The following SEMA5A variants were observed in gnomAD, a reference collection of about 807,000 sequenced individuals.
The protein encoded by SEMA5A is semaphorin 5A, also known as semaphorin-5A.
Under a neutral mutation model 135.5 loss-of-function variants are expected in SEMA5A, and 55 were observed. The observed-to-expected ratio is 0.41, with a 90% CI of 0.33 to 0.51. The LOEUF (loss-of-function observed/expected upper bound fraction) is 0.51. Ranked by LOEUF, SEMA5A falls within the 20% of genes least tolerant of loss-of-function variation. The probability of loss-of-function intolerance (pLI) is 0.37; values close to 1 mark genes in which losing one functional copy is unlikely to be tolerated. For missense variants in SEMA5A, 1,290 were observed against 1,419.9 expected, an observed-to-expected ratio of 0.91 and a Z score of 1.47; for synonymous variants, 580 against 546.5, an observed-to-expected ratio of 1.06 and a Z score of -0.85.
In SEMA5A at chr5:9,204,368, T is replaced by C. The variant is rs1185829691; in HGVS notation, c.647-2128A>G. 1.3e-5 allele frequency among the ~76,000 whole-genome samples: 2 copies of C among 152,164 alleles called. No individual in the cohort carries two copies. Among genetic ancestry groups the C allele is most frequent in the African/African-American group, 2.4e-5 (1 of 41,446 alleles). On this transcript the variant is annotated intron_variant, in intron 8 of 22. Coordinates refer to ENST00000382496, the MANE Select transcript of SEMA5A (RefSeq NM_003966.3). This position sits in a 1 kb window ranked among gnomAD's most constrained non-coding sequence, Gnocchi z 6.4. ...ACTATTACCCACTTCTGCTATTAAC[T>C]TGGGGACAAATGGCATGAAAACCAC...
chr5:9,496,905 G>C (rs3798050), intron 1 of SEMA5A, among the ~76,000 whole-genome samples: 1 of 152,210 alleles, frequency 6.6e-6, no homozygotes, highest in African/African-American at 2.4e-5. Flanking sequence ...GCTACCAGGA[G>C]TGACAAAGCT....
At chr5:9,346,245 G>C (rs1443980662) in intron 3 of SEMA5A, among the ~76,000 whole-genome samples, 1 of 147,056 alleles carries the variant, frequency 6.8e-6, no homozygotes, top group East Asian at 2.0e-4. Flanking sequence ...TCTGGCCAGA[G>C]ATGTCCGGAC....
intron 1 of SEMA5A, among the ~76,000 whole-genome samples, chr5:9,484,087 A>T (rs1759984567): frequency 6.6e-6 from 1 of 152,260 alleles, no homozygotes; most frequent in African/African-American, 2.4e-5. Flanking sequence ...TAACAAGGAA[A>T]GGATAAAATG....
chr5:9,124,757 C>G (rs1461602679), intron 13 of SEMA5A, among the ~76,000 whole-genome samples: 2 of 152,220 alleles, frequency 1.3e-5, no homozygotes, highest in Non-Finnish European at 2.9e-5. Flanking sequence ...TGCACGGCCT[C>G]CAAACCTCCT....
chr5:9,266,806 C>A, intron 5 of SEMA5A, among the ~76,000 whole-genome samples: 1 of 152,166 alleles, frequency 6.6e-6, no homozygotes, highest in East Asian at 1.9e-4. Context: ...GTTCAGACTG[C>A]TGAATAAATC....
rs147519596 is a variant in SEMA5A, at chr5:9,044,475, G to A, written c.3003C>T (p.His1001=). 3,536 of 1,613,982 alleles carry A rather than the reference G, an allele frequency of 2.2e-3. 24 individuals carry two copies. The highest frequency in any genetic ancestry group is 0.012 in the South Asian group (1,086 of 91,052). Residue 1001 remains histidine, a synonymous_variant, in exon 22 of 23, where the codon CAC becomes CAT. Coordinates refer to ENST00000382496, the MANE Select transcript of SEMA5A (RefSeq NM_003966.3). ...AGACGGGGTGGATGACAGTCGCATC[G>A]TGGGATTGCTGCTGGTACCGCTGGC... ...TYCQRYQQQS[H]DATVIHPVSP...
At chr5:9,190,217 C>G (rs952019870) in intron 11 of SEMA5A, 50 bp downstream of exon 11, 1 of 1,573,420 alleles carries the variant, frequency 6.4e-7, no homozygotes, top group Admixed American at 1.7e-5. Context: ...ATCTAAAACA[C>G]AAAATCAGAA....
intron 2 of SEMA5A, among the ~76,000 whole-genome samples, chr5:9,384,597 T>C (rs915151793): frequency 7.8e-5 from 10 of 128,578 alleles, no homozygotes; most frequent in African/African-American, 3.0e-4. Flanking sequence ...GATAGATAGA[T>C]AGATAGATAG....
chr5:9,237,178 A>G (rs1747955830), intron 6 of SEMA5A, among the ~76,000 whole-genome samples: 1 of 149,738 alleles, frequency 6.7e-6, no homozygotes, highest in African/African-American at 2.6e-5. Flanking sequence ...CACAAGCTGC[A>G]GAAGAATTTC....
chr5:9,300,097 G>C (rs10075986), intron 5 of SEMA5A, among the ~76,000 whole-genome samples: 21,209 of 152,072 alleles, frequency 0.14, 1,571 homozygotes, highest in South Asian at 0.19. Flanking sequence ...CACTATCATG[G>C]CTCACTGCAG....
At chr5:9,432,604 T>C (rs1419524705) in intron 2 of SEMA5A, among the ~76,000 whole-genome samples, 4 of 152,212 alleles carry the variant, frequency 2.6e-5, no homozygotes, top group Non-Finnish European at 2.9e-5. Flanking sequence ...CTTGGTCCGA[T>C]CTGTCCACGG....
At chr5:9,073,679 A>ACTCT in intron 16 of SEMA5A, among the ~76,000 whole-genome samples, 2 of 152,138 alleles carry the variant, frequency 1.3e-5, no homozygotes, top group Non-Finnish European at 2.9e-5. Context: ...TTACTCTCAT[A>ACTCT]CAATATGATT....
chr5:9,247,738 T>C (rs997383037), intron 5 of SEMA5A, among the ~76,000 whole-genome samples: 2 of 152,196 alleles, frequency 1.3e-5, no homozygotes, highest in Non-Finnish European at 2.9e-5. Context: ...TTATTCAGCA[T>C]TATTTCCATA....
chr5:9,269,253 G>A (rs959221831), intron 5 of SEMA5A, among the ~76,000 whole-genome samples: 28 of 152,090 alleles, frequency 1.8e-4, no homozygotes, highest in African/African-American at 4.8e-4. Flanking sequence ...ACACCTTGGC[G>A]CCAGATGGCA....
At chr5:9,281,884 G>T (rs569779881) in intron 5 of SEMA5A, among the ~76,000 whole-genome samples, 150 of 150,056 alleles carry the variant, frequency 1.0e-3, no homozygotes, top group African/African-American at 3.6e-3. Flanking sequence ...GAGTGCAGTG[G>T]TGCAATCTTG....
intron 3 of SEMA5A, among the ~76,000 whole-genome samples, chr5:9,366,545 C>T (rs900112678): frequency 6.6e-5 from 10 of 152,144 alleles, no homozygotes; most frequent in Non-Finnish European, 1.2e-4. Context: ...CCCACCACCA[C>T]GCCCAGCTAA....
intron 5 of SEMA5A, among the ~76,000 whole-genome samples, chr5:9,268,368 A>T (rs1270140501): frequency 6.6e-6 from 1 of 152,204 alleles, no homozygotes; most frequent in Non-Finnish European, 1.5e-5. Context: ...CTAGCAGTTC[A>T]GTCTGGAAGG....
chr5:9,423,023 C>T (rs1043000667), intron 2 of SEMA5A, among the ~76,000 whole-genome samples: 8 of 152,154 alleles, frequency 5.3e-5, no homozygotes, highest in Admixed American at 5.2e-4. Flanking sequence ...ATGCAAATTC[C>T]ACCTTTGTAT....
intron 1 of SEMA5A, among the ~76,000 whole-genome samples, chr5:9,491,488 T>C (rs1051741715): frequency 6.6e-6 from 1 of 152,082 alleles, no homozygotes; most frequent in African/African-American, 2.4e-5. Context: ...ATTCTATATT[T>C]ATATACTTAG....
Sources: gnomAD v4.1 joint callset for allele counts (sites outside exome capture counted in the v4.1 genomes callset) on GRCh38, gnomAD v4.1.1 for gene constraint, Gnocchi (gnomAD v3.1) non-coding constraint, MANE v1.5 for transcripts, NCBI Gene and HGNC (gene_info 2026-07-23, HGNC 2026-07-21) for gene names.